QPRT: variants seen among roughly 807,000 people sequenced by gnomAD.
The protein encoded by QPRT is quinolinate phosphoribosyltransferase.
A neutral mutation model predicts 19.8 loss-of-function variants in QPRT; 17 were observed. The ratio of observed to expected loss-of-function variants is 0.86; its 90% confidence interval spans 0.59 to 1.29. The LOEUF is 1.29. Ranked by LOEUF, QPRT falls within the 50% of genes most tolerant of loss-of-function variation. QPRT has a pLI of 0.00. For missense variants in QPRT, 336 were observed against 405.1 expected (o/e 0.83, Z 1.46); for synonymous variants, 178 against 191.0 (o/e 0.93, Z 0.56).
chr16:29,693,610 G>A (rs1034545268), intron 1 of QPRT, among the ~76,000 whole-genome samples: 6 of 151,066 alleles, frequency 4.0e-5, no homozygotes, highest in African/African-American at 1.5e-4. Context: ...TTTTTTAGGT[G>A]GAGTCTTGCT....
Position 29,695,083 on chromosome 16 carries a change from C to G in QPRT, c.433C>G (p.Arg145Gly). The G allele has an allele frequency of 6.2e-7, 1 of 1,605,542 alleles. No individual in the cohort carries two copies. The highest frequency in any genetic ancestry group is 8.5e-7 in the Non-Finnish European group (1 of 1,178,030). The change falls in exon 2 of 4, where the codon CGG becomes GGG. Residue 145 changes from arginine (R) to glycine (G), a missense_variant. Arg to Gly is a moderately radical substitution (Grantham distance 125, BLOSUM62 -2). Transcript: ENST00000395384. ...AGTRKTTPGF[R>G]LVEKYGLLVG... The stretch of plus-strand genomic sequence containing the variant: ...CACGAGGAAGACCACGCCAGGCTTC[C>G]GGCTGGTGGAGAAGTATGGGCTCCT...
intron 1 of QPRT, among the ~76,000 whole-genome samples, chr16:29,687,439 G>A (rs1967195605): frequency 6.6e-6 from 1 of 152,296 alleles, no homozygotes; most frequent in East Asian, 1.9e-4. Context: ...CTCTGGGGCC[G>A]CACACCTGAG....
At chr16:29,692,546 A>G (rs1967379095) in intron 1 of QPRT, among the ~76,000 whole-genome samples, 1 of 151,650 alleles carries the variant, frequency 6.6e-6, no homozygotes. Context: ...GCGCCACTGC[A>G]ACAGAACGAG....
intron 1 of QPRT, among the ~76,000 whole-genome samples, chr16:29,689,380 C>T (rs142192131): frequency 6.6e-6 from 1 of 152,142 alleles, no homozygotes; most frequent in East Asian, 1.9e-4. Context: ...CGGGCATGAG[C>T]CACCATGCCC....
intron 1 of QPRT, among the ~76,000 whole-genome samples, chr16:29,690,964 C>T (rs527734332): frequency 7.3e-5 from 11 of 151,144 alleles, no homozygotes; most frequent in Non-Finnish European, 1.2e-4. Context: ...GCTGGAATTA[C>T]GGCGTGAGCC....
chr16:29,684,097 G>A (rs1052066081), intron 1 of QPRT, among the ~76,000 whole-genome samples: 4 of 152,096 alleles, frequency 2.6e-5, no homozygotes, highest in South Asian at 2.1e-4. Context: ...TCTTTTTGTT[G>A]GACATGCCCT....
At chr16:29,696,937 C>A in intron 2 of QPRT, 59 bp from the exon 3 acceptor site, 1 of 1,512,778 alleles carries the variant, frequency 6.6e-7, no homozygotes, top group Non-Finnish European at 8.8e-7. Context: ...CGGCTCCCTG[C>A]GCCCCAGTGC....
chr16:29,693,526 T>C (rs991818445), intron 1 of QPRT, among the ~76,000 whole-genome samples: 9 of 152,068 alleles, frequency 5.9e-5, no homozygotes, highest in African/African-American at 2.2e-4. Flanking sequence ...CCCAAAGTGC[T>C]GGGATTACAA....
chr16:29,695,334 C>T, intron 2 of QPRT, 135 bp downstream of exon 2: 2 of 1,026,714 alleles, frequency 1.9e-6, no homozygotes, highest in East Asian at 5.3e-5. Context: ...CTCTTCCCAC[C>T]TCAGCTCCTC....
intron 1 of QPRT, among the ~76,000 whole-genome samples, chr16:29,679,827 A>T (rs1966938743): frequency 6.6e-6 from 1 of 152,142 alleles, no homozygotes; most frequent in South Asian, 2.1e-4. Context: ...CAATCTTTTG[A>T]TCTAAGAAGC....
At chr16:29,687,031 G>A (rs1967182634) in intron 1 of QPRT, among the ~76,000 whole-genome samples, 2 of 152,224 alleles carry the variant, frequency 1.3e-5, no homozygotes, top group African/African-American at 2.4e-5. Flanking sequence ...TGCTGTTGCA[G>A]GACTGTGCCT....
chr16:29,691,720 C>T (rs371813053), intron 1 of QPRT, among the ~76,000 whole-genome samples: 4 of 152,222 alleles, frequency 2.6e-5, no homozygotes, highest in South Asian at 4.1e-4. Flanking sequence ...GCTCCCAGGC[C>T]TTTTCCGTAG....
chr16:29,683,484 T>C (rs1967074014), intron 1 of QPRT, among the ~76,000 whole-genome samples: 1 of 152,036 alleles, frequency 6.6e-6, no homozygotes, highest in African/African-American at 2.4e-5. Context: ...GCCTTCTGAA[T>C]AGCTAGGACT....
chr16:29,695,064 G>A lies in QPRT; in HGVS notation c.414G>A (p.Arg138=), dbSNP rs1308639569. 2 of 1,606,398 alleles carry A rather than the reference G, an allele frequency of 1.2e-6. No individual in the cohort carries two copies. The highest frequency in any genetic ancestry group is 1.7e-6 in the Non-Finnish European group (2 of 1,179,046). ...AGWTGHVAGT[R]KTTPGFRLVE... is the part of the protein sequence containing the mutation. ...GGACTGGGCACGTGGCAGGCACGAG[G>A]AAGACCACGCCAGGCTTCCGGCTGG... Residue 138 remains arginine (R), a synonymous_variant, in exon 2 of 4, where the codon AGG becomes AGA. Transcript: ENST00000395384.
chr16:29,686,720 G>C (rs1466789814), intron 1 of QPRT, among the ~76,000 whole-genome samples: 1 of 152,046 alleles, frequency 6.6e-6, no homozygotes, highest in Non-Finnish European at 1.5e-5. Flanking sequence ...TGGCCAGGCT[G>C]GTCTTGAACT....
chr16:29,695,133 C>G lies in QPRT; in HGVS notation c.483C>G (p.Arg161=). The change falls in exon 2 of 4, where the codon CGC becomes CGG. Residue 161 remains arginine, a synonymous_variant. Coordinates refer to ENST00000395384, the MANE Select transcript of QPRT (RefSeq NM_014298.6). The part of the protein sequence containing the change: ...GLLVGGAASH[R]YDLGGLVMVK... ...TGGTGGGCGGGGCCGCCTCGCACCG[C>G]TACGACCTGGGAGGGCTGGTGATGG... 1 of 1,586,058 alleles carries G rather than the reference C, an allele frequency of 6.3e-7. No individual in the cohort carries two copies. The highest frequency in any genetic ancestry group is 8.6e-7 in the Non-Finnish European group (1 of 1,167,228).
At chr16:29,681,493 C>CT (rs10680462) in intron 1 of QPRT, among the ~76,000 whole-genome samples, 25,047 of 95,734 alleles carry the variant, frequency 0.26, 4,964 homozygotes, top group East Asian at 0.6. Flanking sequence ...GATCCAGATT[C>CT]TTTTTTTTTT....
At chr16:29,689,608 T>A (rs1489832684) in intron 1 of QPRT, among the ~76,000 whole-genome samples, 1 of 152,094 alleles carries the variant, frequency 6.6e-6, no homozygotes, top group Non-Finnish European at 1.5e-5. Flanking sequence ...GCAGGTAGCC[T>A]GGTGCCTAGG....
intron 1 of QPRT, among the ~76,000 whole-genome samples, chr16:29,690,200 C>T (rs1022409787): frequency 3.3e-5 from 5 of 152,202 alleles, no homozygotes; most frequent in African/African-American, 4.8e-5. Flanking sequence ...CTGCAAAGAA[C>T]GTAATCTCAT....
Sources: allele counts gnomAD v4.1 joint callset (sites outside exome capture counted in the v4.1 genomes callset), GRCh38; gene constraint gnomAD v4.1.1; transcripts MANE v1.5; gene names NCBI Gene and HGNC (gene_info 2026-07-23, HGNC 2026-07-21).